Variants in PDZD9 observed in about 807,000 individuals in gnomAD.
PDZD9 encodes PDZ domain containing 9, also known as PDZ domain-containing protein 9.
PDZD9 carries 13 observed loss-of-function variants against 16.3 expected under a neutral mutation model. That is an observed-to-expected ratio of 0.80 (90% CI 0.52 to 1.27). The LOEUF (loss-of-function observed/expected upper bound fraction) is 1.27, where lower values mean the gene tolerates loss of function less well. PDZD9 is among the 50% of genes most tolerant of loss of function. The pLI is 0.00. For synonymous variants in PDZD9, 120 were observed against 111.0 expected, an observed-to-expected ratio of 1.08 and a Z score of -0.51; for missense variants, 288 against 310.9, an observed-to-expected ratio of 0.93 and a Z score of 0.55.
chr16:21,984,061 A>G lies in PDZD9; in HGVS notation c.*206T>C, dbSNP rs1186463515. The G allele has an allele frequency of 1.0e-5, 5 of 488,456 alleles. No individual in the cohort carries two copies. The highest frequency in any genetic ancestry group is 9.7e-5 in the African/African-American group (5 of 51,342). The allele number at this position is 488,456 out of a possible 1,614,324, so 30.3% of individuals were successfully genotyped here. ...TCAAAAAGGAGGGTCTTATTCTGAA[A>G]ATAAGATTTGTGAGGCCTGCAAGAA... is the stretch of plus-strand genomic sequence containing the variant. On this transcript the variant is annotated 3_prime_UTR_variant, in exon 4 of 4. Coordinates refer to ENST00000424898, the MANE Select transcript of PDZD9 (RefSeq NM_001363519.1).
At chr16:21,968,402 T>C in the PDZD9 span, 1 of 375,042 alleles carries the variant, frequency 2.7e-6, no homozygotes, top group Non-Finnish European at 4.8e-6. Context: ...TTCATTATAT[T>C]CACAGAGTTG....
chr16:21,996,515 G>A lies in PDZD9; in HGVS notation c.32-14C>T. ...TGACTCCTCTTTCTAACCAAAAGAG[G>A]GGAACTTATTTCAGTCCTTCACCAA... On this transcript the variant is annotated splice_polypyrimidine_tract_variant and intron_variant, in intron 1 of 3. Transcript: ENST00000424898. 6.5e-7 allele frequency: 1 copy of A among 1,529,002 alleles called. No individual in the cohort carries two copies. The allele number at this position is 1,529,002 out of a possible 1,614,324, so 94.7% of individuals were successfully genotyped here.
Position 21,996,375 on chromosome 16 carries a change from A to T in PDZD9, c.158T>A (p.Ile53Asn). 6 of 1,536,008 alleles carry T rather than the reference A, an allele frequency of 3.9e-6. No homozygotes were observed. Among genetic ancestry groups the T allele is most frequent in the Non-Finnish European group, 5.2e-6 (6 of 1,146,854 alleles). ...AGCCCCCTTCCTGATGAGGTGGGTG[A>T]TCTGGAGGTAGGGTCCATGCTGGAT... ...IIIQHGPYLQ[I>N]THLIRKGAAA... Residue 53 changes from isoleucine (I) to asparagine (N), a missense_variant, in exon 2 of 4, where the codon ATC becomes AAC. Ile to Asn is a moderately radical substitution (Grantham distance 149). Transcript: ENST00000424898.
downstream of PDZD9, chr16:21,980,490 G>GAA (rs141408124): frequency 4.8e-4 from 694 of 1,449,016 alleles, no homozygotes; most frequent in Middle Eastern, 7.2e-4. Flanking sequence ...CCACCACTCA[G>GAA]AAAAAAAAAA....
the PDZD9 span, among the ~76,000 whole-genome samples, chr16:21,963,495 G>A: frequency 1.3e-5 from 2 of 151,550 alleles, no homozygotes; most frequent in African/African-American, 2.4e-5. Flanking sequence ...TTTGAGACAG[G>A]GTGTTGCTTG....
intron 2 of PDZD9, among the ~76,000 whole-genome samples, chr16:21,995,702 A>C (rs895901156): frequency 6.6e-6 from 1 of 151,942 alleles, no homozygotes; most frequent in Non-Finnish European, 1.5e-5. Context: ...GGTTCAAGAG[A>C]TTCTCCTGCC....
chr16:21,973,139 G>T, the PDZD9 span, among the ~76,000 whole-genome samples: 1 of 151,962 alleles, frequency 6.6e-6, no homozygotes, highest in East Asian at 1.9e-4. Context: ...AAATTGAAGT[G>T]CCTTCTTATG....
At chr16:21,962,301 A>C in the PDZD9 span, 4 of 816,028 alleles carry the variant, frequency 4.9e-6, no homozygotes, top group Non-Finnish European at 7.5e-6. Flanking sequence ...AAAAATTTTG[A>C]ATTTTAGTTG....
Position 21,996,342 on chromosome 16 carries a change from T to C in PDZD9, c.191A>G (p.Asn64Ser), listed in dbSNP as rs183272918. Residue 64 changes from asparagine (N) to serine (S), a missense_variant, in exon 2 of 4, where the codon AAC becomes AGC. Coordinates refer to ENST00000424898, the MANE Select transcript of PDZD9 (RefSeq NM_001363519.1). ...ATCACCTGGCTGGAGTTTCCCGTCG[T>C]TGGCTGCAGCCCCCTTCCTGATGAG... ...THLIRKGAAA[N>S]DGKLQPGDVL... 57 of 1,535,814 alleles carry C rather than the reference T, an allele frequency of 3.7e-5. 1 individual carries two copies. In the Admixed American group the frequency reaches 8.8e-4, roughly 24 times the overall value.
In PDZD9 at chr16:22,000,905, A is replaced by G. The variant is rs375521545; in HGVS notation, c.31+112T>C. The G allele has an allele frequency of 4.6e-5, 45 of 987,308 alleles. 1 individual carries two copies. The highest frequency in any genetic ancestry group is 2.9e-4 in the East Asian group (11 of 37,796). 61.2% of individuals were successfully genotyped at this position (987,308 alleles called of 1,614,324 possible). A position where few individuals can be genotyped will look rare whatever the true frequency, so the allele number is the denominator to read the frequency against. ...ATGATGATGATAACAACAACGATGG[A>G]GAGAGGTTATCTCCCAGGCCAAGAG... On this transcript the variant is annotated intron_variant, in intron 1 of 3. Transcript: ENST00000424898.
intron 1 of PDZD9, among the ~76,000 whole-genome samples, chr16:21,999,812 G>A (rs993230632): frequency 5.9e-5 from 9 of 152,134 alleles, no homozygotes; most frequent in South Asian, 2.1e-4. Context: ...GAGGGTGGGC[G>A]GATCACTTGG....
chr16:21,996,476 T>G lies in PDZD9; in HGVS notation c.57A>C (p.Lys19Asn), dbSNP rs1218825529. ...TTTTGCTCAAGTTGTGTACAGATGTTTTGACCTTGTTGCTGACTCCTCTTT... is the reference window on the plus strand; with the variant it reads ...TTTTGCTCAAGTTGTGTACAGATGTGTTGACCTTGTTGCTGACTCCTCTTT... ...KKERGVSNKVKTSVHNLSKTQ... is the reference protein window; with the variant it reads ...KKERGVSNKVNTSVHNLSKTQ... The change falls in exon 2 of 4, where the codon AAA becomes AAC. Residue 19 changes from lysine to asparagine, a missense_variant. Physicochemically the swap from Lys to Asn is moderately conservative, Grantham distance 94. Transcript: ENST00000424898. 1.4e-5 allele frequency: 22 copies of G among 1,535,652 alleles called. No individual in the cohort carries two copies. Among genetic ancestry groups the G allele is most frequent in the Non-Finnish European group, 1.7e-5 (20 of 1,146,660 alleles).
At chr16:21,960,311 T>A in the PDZD9 span, among the ~76,000 whole-genome samples, 2 of 152,258 alleles carry the variant, frequency 1.3e-5, no homozygotes, top group Non-Finnish European at 2.9e-5. Flanking sequence ...AGATGGCTTC[T>A]TTCCTTAAAG....
chr16:21,971,674 G>A, the PDZD9 span: 1 of 1,557,536 alleles, frequency 6.4e-7, no homozygotes, highest in Non-Finnish European at 8.8e-7. Flanking sequence ...TTCCCCACTA[G>A]AATAGCATAT....
chr16:21,975,686 G>C, the PDZD9 span, among the ~76,000 whole-genome samples: 1 of 152,094 alleles, frequency 6.6e-6, no homozygotes. Flanking sequence ...GGCTGTGTAT[G>C]GATTACTACT....
At chr16:21,980,431 C>T (rs1447705711), downstream of PDZD9, 26 of 1,069,586 alleles carry the variant, frequency 2.4e-5, no homozygotes, top group South Asian at 1.6e-4. Flanking sequence ...GAGGGAGACA[C>T]GCTGTTACTC....
chr16:21,975,776 A>T, the PDZD9 span, among the ~76,000 whole-genome samples: 2 of 152,272 alleles, frequency 1.3e-5, no homozygotes, highest in East Asian at 3.9e-4. Context: ...AAAGGTGCTT[A>T]TTCTTTATGG....
downstream of PDZD9, chr16:21,980,261 C>T (rs1439137318): frequency 6.2e-6 from 2 of 323,586 alleles, no homozygotes; most frequent in Non-Finnish European, 1.2e-5. Context: ...CTCCAGCTGT[C>T]TCACTCAAAT....
chr16:21,985,271 A>G (rs181263604), intron 3 of PDZD9, among the ~76,000 whole-genome samples: 91 of 152,128 alleles, frequency 6.0e-4, no homozygotes, highest in African/African-American at 2.2e-3. Flanking sequence ...TGTATGCTGT[A>G]TGCCACCGCA....
Sources: allele counts gnomAD v4.1 joint callset (sites outside exome capture counted in the v4.1 genomes callset), GRCh38; gene constraint gnomAD v4.1.1; transcripts MANE v1.5; gene names NCBI Gene and HGNC (gene_info 2026-07-23, HGNC 2026-07-21).